PHRF1: variants seen among roughly 807,000 people sequenced by gnomAD.
PHRF1 encodes PHD and RING finger domain-containing protein 1.
A neutral mutation model predicts 128.9 loss-of-function variants in PHRF1; 53 were observed. That is an observed-to-expected ratio of 0.41 (90% CI 0.33 to 0.52). The LOEUF (loss-of-function observed/expected upper bound fraction) is 0.52, where lower values mean the gene tolerates loss of function less well. Ranked by LOEUF, PHRF1 falls within the 20% of genes least tolerant of loss-of-function variation. PHRF1 has a pLI of 0.21. For synonymous variants in PHRF1, 1,178 were observed against 980.6 expected, an observed-to-expected ratio of 1.20 and a Z score of -3.76; for missense variants, 2,503 against 2,284.5, an observed-to-expected ratio of 1.10 and a Z score of -1.95.
At position 605,173 on chromosome 11, in the gene PHRF1, G is replaced by A. The variant is rs1855869571; in HGVS notation, c.1207G>A (p.Val403Ile). ...IARTLGLRRP[V>I]HSSCIPSVLK... is the part of the protein sequence containing the mutation. ...GCGGACGCTGGGCCTGCGCAGGCCT[G>A]TTCACAGCAGCTGCATCCCGTCAGT... Residue 403 changes from valine (V) to isoleucine (I), a missense_variant, in exon 11 of 18, where the codon GTT becomes ATT. By Grantham distance (29) the Val-to-Ile change is conservative. Transcript: ENST00000264555. 6.2e-7 allele frequency: 1 copy of A among 1,613,602 alleles called. No individual in the cohort carries two copies. Among genetic ancestry groups the A allele is most frequent in the Non-Finnish European group, 8.5e-7 (1 of 1,179,868 alleles).
In PHRF1 at chr11:611,650, G is replaced by A. The variant is rs1263220782; in HGVS notation, c.4823G>A (p.Ser1608Asn). 6.2e-7 allele frequency: 1 copy of A among 1,613,056 alleles called. No homozygotes were observed. The highest frequency in any genetic ancestry group is 8.5e-7 in the Non-Finnish European group (1 of 1,179,854). Residue 1608 changes from serine to asparagine, a missense_variant, in exon 18 of 18, where the codon AGT (serine) becomes AAT (asparagine). Coordinates refer to ENST00000264555, the MANE Select transcript of PHRF1 (RefSeq NM_001286581.2). ...TTTCTCCAGATCTGCCACAGCAAGA[G>A]TGGAGAGATCAACCCCGTGAAGGTG... ...KAVQKICHSKSGEINPVKVAN... is the reference protein window; with the variant it reads ...KAVQKICHSKNGEINPVKVAN...
chr11:607,677 C>G lies in PHRF1; in HGVS notation c.2221C>G (p.Pro741Ala). ...GGCCAGCAGCAGGGTGCCCCGGGAG[C>G]CCGGGGTGCACACGGGCAGCTCCCG... is the stretch of plus-strand genomic sequence containing the variant. The part of the protein sequence containing the change: ...SEASSRVPRE[P>A]GVHTGSSRPP... The change falls in exon 14 of 18, where the codon CCC becomes GCC. Residue 741 changes from proline to alanine, a missense_variant. Coordinates refer to ENST00000264555, the MANE Select transcript of PHRF1 (RefSeq NM_001286581.2). The G allele has an allele frequency of 6.2e-7, 1 of 1,610,264 alleles. No homozygotes were observed. The highest frequency in any genetic ancestry group is 8.5e-7 in the Non-Finnish European group (1 of 1,178,368).
chr11:593,944 G>A (rs757288313), intron 6 of PHRF1, among the ~76,000 whole-genome samples: 6 of 152,280 alleles, frequency 3.9e-5, no homozygotes, highest in Middle Eastern at 3.4e-3. Flanking sequence ...TCCTGGGAGC[G>A]TCTGCTGCCA....
intron 6 of PHRF1, among the ~76,000 whole-genome samples, chr11:596,466 C>A (rs1376870471): frequency 6.6e-6 from 1 of 152,224 alleles, no homozygotes; most frequent in Non-Finnish European, 1.5e-5. Flanking sequence ...GCAGCACCTA[C>A]CGCAGGAGCT....
At chr11:600,505 T>C (rs1277988839) in intron 9 of PHRF1, among the ~76,000 whole-genome samples, 10 of 135,940 alleles carry the variant, frequency 7.4e-5, no homozygotes, top group African/African-American at 2.9e-4. Flanking sequence ...TATATATATA[T>C]ATATATATAT....
At chr11:589,303 C>G (rs1012319169) in intron 4 of PHRF1, among the ~76,000 whole-genome samples, 1 of 152,084 alleles carries the variant, frequency 6.6e-6, no homozygotes, top group Non-Finnish European at 1.5e-5. Context: ...GAAGCAAGGC[C>G]CCTTCCCTTT....
intron 10 of PHRF1, among the ~76,000 whole-genome samples, chr11:604,343 G>A (rs1855819941): frequency 6.6e-6 from 1 of 152,358 alleles, no homozygotes; most frequent in South Asian, 2.1e-4. Context: ...TGGGAGGGGC[G>A]ACGCCTGCCT....
rs1856440268 is a variant in PHRF1 at position 612,037 on chromosome 11, T to C, written c.*260T>C. Reference sequence around the variant, plus strand: ...GAGACACTGTTTCCATTCTAATTTATCAAAAATGGATTATCTTTAGAAACC... The same window carrying C: ...GAGACACTGTTTCCATTCTAATTTACCAAAAATGGATTATCTTTAGAAACC... On this transcript the variant is annotated 3_prime_UTR_variant, in exon 18 of 18. Coordinates refer to ENST00000264555, the MANE Select transcript of PHRF1 (RefSeq NM_001286581.2). 7.8e-6 allele frequency: 4 copies of C among 513,756 alleles called. No individual in the cohort carries two copies. Among genetic ancestry groups the C allele is most frequent in the Non-Finnish European group, 1.3e-5 (4 of 297,072 alleles). 31.8% of individuals were successfully genotyped at this position (513,756 alleles called of 1,614,324 possible).
rs1856155565 is a variant in PHRF1, at chr11:608,977, A to G, written c.3521A>G (p.Glu1174Gly). Residue 1174 changes from glutamate (E) to glycine (G), a missense_variant, in exon 14 of 18, where the codon GAG becomes GGG. Coordinates refer to ENST00000264555, the MANE Select transcript of PHRF1 (RefSeq NM_001286581.2). ...RSPSSEHRAR[E>G]HRRPRSREKW... ...CCAAGCTCGGAGCACAGGGCACGGG[A>G]GCACAGGCGGCCTCGGTCCCGTGAG... The G allele has an allele frequency of 1.2e-6, 2 of 1,609,140 alleles. No homozygotes were observed. The highest frequency in any genetic ancestry group is 2.2e-5 in the East Asian group (1 of 44,710).
chr11:606,294 C>T (rs11246211), intron 12 of PHRF1, 148 bp from the exon 13 acceptor site: 57,140 of 1,086,956 alleles, frequency 0.053, 1,778 homozygotes, highest in Middle Eastern at 0.11. Flanking sequence ...CCTCTTAGAA[C>T]AGCAGCCGGA....
At chr11:587,938 T>C (rs1309671282) in intron 4 of PHRF1, among the ~76,000 whole-genome samples, 1 of 152,198 alleles carries the variant, frequency 6.6e-6, no homozygotes, top group East Asian at 1.9e-4. Flanking sequence ...TGCAGTGTAT[T>C]TTATATTTCA....
At chr11:582,568 C>T (rs927364531) in intron 3 of PHRF1, among the ~76,000 whole-genome samples, 1 of 151,898 alleles carries the variant, frequency 6.6e-6, no homozygotes, top group Non-Finnish European at 1.5e-5. Flanking sequence ...CTCTGTCGCC[C>T]AGGCTGAGTG....
rs749939798 is a variant in PHRF1, at chr11:598,331, A to T, written c.895-42A>T. On this transcript the variant is annotated intron_variant, in intron 8 of 17. Coordinates refer to ENST00000264555, the MANE Select transcript of PHRF1 (RefSeq NM_001286581.2). ...TTTGGGGTCTGTGCTGGACCGGCTG[A>T]GGCCCCAAGGGCATCTGACGGCACC... is the stretch of plus-strand genomic sequence containing the variant. The T allele has an allele frequency of 1.9e-6, 3 of 1,592,436 alleles. No homozygotes were observed. In the South Asian group the frequency reaches 3.3e-5, roughly 18 times the overall value.
rs1198700047 is a variant in PHRF1 at position 608,120 on chromosome 11, T to C, written c.2664T>C (p.Phe888=). 1 of 1,611,682 alleles carries C rather than the reference T, an allele frequency of 6.2e-7. No homozygotes were observed. The highest frequency in any genetic ancestry group is 8.5e-7 in the Non-Finnish European group (1 of 1,179,830). ...CCTCCTACACGGTGGAGAGCATCTTTGGTACAGAGCCCGAACCCCCTCTCG... is the reference window on the plus strand; with the variant it reads ...CCTCCTACACGGTGGAGAGCATCTTCGGTACAGAGCCCGAACCCCCTCTCG... The part of the protein sequence containing the change: ...CVTSYTVESI[F]GTEPEPPLGP... Residue 888 remains phenylalanine (F), a synonymous_variant, in exon 14 of 18, where the codon TTT becomes TTC. Coordinates refer to ENST00000264555, the MANE Select transcript of PHRF1 (RefSeq NM_001286581.2).
Position 608,645 on chromosome 11 carries a change from G to A in PHRF1, c.3189G>A (p.Glu1063=). Residue 1063 remains glutamate, a synonymous_variant, in exon 14 of 18, where the codon GAG becomes GAA. Coordinates refer to ENST00000264555, the MANE Select transcript of PHRF1 (RefSeq NM_001286581.2). ...RSSSDRSSSR[E]RAKRKKAKDK... ...CCAGTGACCGCTCCAGCAGCCGAGA[G>A]CGAGCTAAGAGGAAGAAAGCCAAGG... 1 of 1,612,452 alleles carries A rather than the reference G, an allele frequency of 6.2e-7. No individual in the cohort carries two copies. Among genetic ancestry groups the A allele is most frequent in the African/African-American group, 1.3e-5 (1 of 75,054 alleles).
At chr11:592,505 G>A in intron 5 of PHRF1, 54 bp from the exon 6 acceptor site, 1 of 1,542,408 alleles carries the variant, frequency 6.5e-7, no homozygotes, top group Non-Finnish European at 9.0e-7. Context: ...ACGCTGGGAA[G>A]TGACTGCGGG....
At chr11:601,271 T>TAA (rs967330778) in intron 9 of PHRF1, among the ~76,000 whole-genome samples, 1 of 149,920 alleles carries the variant, frequency 6.7e-6, no homozygotes, top group Non-Finnish European at 1.5e-5. Flanking sequence ...GCCCTATCTA[T>TAA]AAAAAAAATT....
rs2133116846 is a variant in PHRF1 at position 611,968 on chromosome 11, G to C, written c.*191G>C. 7.4e-6 allele frequency: 6 copies of C among 814,254 alleles called. 1 individual carries two copies. In the South Asian group the frequency reaches 9.3e-5, roughly 13 times the overall value. The allele number at this position is 814,254 out of a possible 1,614,324, so 50.4% of individuals were successfully genotyped here. A position where few individuals can be genotyped will look rare whatever the true frequency, so the allele number is the denominator to read the frequency against. On this transcript the variant is annotated 3_prime_UTR_variant, in exon 18 of 18. Transcript: ENST00000264555. The stretch of plus-strand genomic sequence containing the variant: ...GCTGACACCTGGTCTGTGCACCTGT[G>C]TTGCTCACAGTTGAAAACTGGACAC...
chr11:606,156 C>T (rs7929655), intron 12 of PHRF1, among the ~76,000 whole-genome samples: 5,987 of 152,362 alleles, frequency 0.039, 402 homozygotes, highest in African/African-American at 0.14. Flanking sequence ...CCCCTCCCAC[C>T]TGTTGGTGGA....
Sources: allele counts gnomAD v4.1 joint callset (sites outside exome capture counted in the v4.1 genomes callset), GRCh38; gene constraint gnomAD v4.1.1; transcripts MANE v1.5; gene names NCBI Gene and HGNC (gene_info 2026-07-23, HGNC 2026-07-21).